Variants in ILKAP observed in about 807,000 individuals in gnomAD.
ILKAP encodes ILK associated serine/threonine phosphatase.
In ILKAP, 11 loss-of-function variants were observed where a neutral mutation model predicts 49.1. That is an observed-to-expected ratio of 0.22 (90% CI 0.14 to 0.37). The LOEUF is 0.37. ILKAP is among the 10% of genes least tolerant of loss of function. The pLI is 1.00. For missense variants in ILKAP, 363 were observed against 510.8 expected (o/e 0.71, Z 2.79); for synonymous variants, 186 against 192.8 (o/e 0.96, Z 0.29).
intron 3 of ILKAP, among the ~76,000 whole-genome samples, chr2:238,190,654 G>A (rs1694081123): frequency 6.6e-6 from 1 of 152,170 alleles, no homozygotes; most frequent in Non-Finnish European, 1.5e-5. Context: ...CAAGTAGGAA[G>A]AGCATTTGTC....
At chr2:238,195,337 G>A (rs538147284) in intron 1 of ILKAP, among the ~76,000 whole-genome samples, 5 of 152,170 alleles carry the variant, frequency 3.3e-5, no homozygotes, top group African/African-American at 9.6e-5. Flanking sequence ...ATCCTATTTC[G>A]GTAACATTCT....
chr2:238,179,294 A>C (rs1393788632), intron 9 of ILKAP, among the ~76,000 whole-genome samples: 1 of 152,172 alleles, frequency 6.6e-6, no homozygotes, highest in African/African-American at 2.4e-5. Flanking sequence ...GAAGCAGAGG[A>C]GTGAAAGGAA....
intron 3 of ILKAP, among the ~76,000 whole-genome samples, chr2:238,190,353 T>C (rs1271827409): frequency 1.3e-5 from 2 of 152,060 alleles, no homozygotes; most frequent in Admixed American, 1.3e-4. Flanking sequence ...CTAATCACGT[T>C]CCAAAAAGTA....
rs1694045869 is a variant in ILKAP at position 238,189,760 on chromosome 2, AAG to A, written c.298+91_298+92del. On this transcript the variant is annotated intron_variant, in intron 4 of 11. Coordinates refer to ENST00000254654, the MANE Select transcript of ILKAP (RefSeq NM_030768.3). ...CTTATTTCTTAAATACAGACATAAA[AAG>A]AAAGTATTATTAGAAAGCTGAAACT... 1.1e-5 allele frequency: 13 copies of A among 1,211,100 alleles called. No homozygotes were observed. In the South Asian group the frequency reaches 1.9e-4, roughly 17 times the overall value. 75.0% of individuals were successfully genotyped at this position (1,211,100 alleles called of 1,614,324 possible). A position where few individuals can be genotyped will look rare whatever the true frequency, so the allele number is the denominator to read the frequency against.
chr2:238,176,202 C>T (rs1693449269), intron 9 of ILKAP, among the ~76,000 whole-genome samples: 2 of 130,576 alleles, frequency 1.5e-5, no homozygotes, highest in African/African-American at 5.9e-5. Flanking sequence ...GGCATGATCT[C>T]GACTCACTGC....
intron 3 of ILKAP, among the ~76,000 whole-genome samples, chr2:238,192,966 T>C (rs1461905881): frequency 1.3e-5 from 2 of 152,018 alleles, no homozygotes; most frequent in African/African-American, 4.8e-5. Context: ...TGAGCCAAGA[T>C]TGTGCCACTG....
chr2:238,177,382 A>G (rs1405516769), intron 9 of ILKAP, among the ~76,000 whole-genome samples: 1 of 152,216 alleles, frequency 6.6e-6, no homozygotes, highest in Admixed American at 6.5e-5. Flanking sequence ...AGCATTAAAT[A>G]TATTCACACT....
At chr2:238,183,614 C>A (rs748717287) in intron 8 of ILKAP, 39 bp downstream of exon 8, 1 of 1,393,254 alleles carries the variant, frequency 7.2e-7, no homozygotes, top group Non-Finnish European at 1.0e-6. Flanking sequence ...CCCCATAAAA[C>A]GTATTGTCAT....
Position 238,170,615 on chromosome 2 carries a change from C to T in ILKAP, c.1100G>A (p.Cys367Tyr). Residue 367 changes from cysteine to tyrosine, a missense_variant, in exon 12 of 12, where the codon TGC becomes TAC. Coordinates refer to ENST00000254654, the MANE Select transcript of ILKAP (RefSeq NM_030768.3). ...SAADARYEAA[C>Y]NRLANKAVQR... Reference sequence around the variant, plus strand: ...CACCGCCTTGTTGGCCAGCCTGTTGCAGGCTGCTTCGTAGCGGGCGTCGGC... The same window carrying T: ...CACCGCCTTGTTGGCCAGCCTGTTGTAGGCTGCTTCGTAGCGGGCGTCGGC... 1 of 1,606,714 alleles carries T rather than the reference C, an allele frequency of 6.2e-7. No individual in the cohort carries two copies. Among genetic ancestry groups the T allele is most frequent in the Non-Finnish European group, 8.5e-7 (1 of 1,174,112 alleles).
At chr2:238,203,405 AGCGCGGGCGCCGCCTCAGCC>A in intron 1 of ILKAP, 74 bp downstream of exon 1, 1 of 507,400 alleles carries the variant, frequency 2.0e-6, no homozygotes, top group Non-Finnish European at 2.7e-6. Flanking sequence ...GCCGCCTCCC[AGCGCGGGCGCCGCCTCAGCC>A]GCCCCGGGCC....
Position 238,182,200 on chromosome 2 carries a change from G to T in ILKAP, c.715-14C>A. The T allele has an allele frequency of 6.2e-7, 1 of 1,612,714 alleles. No homozygotes were observed. The highest frequency in any genetic ancestry group is 2.2e-5 in the East Asian group (1 of 44,814). On this transcript the variant is annotated splice_polypyrimidine_tract_variant and intron_variant, in intron 8 of 11. Transcript: ENST00000254654. ...ACACAAGATTGCCTGGGAAGATGGAGATTGTAATAGTCATGAAATTCAGTG... is the reference window on the plus strand; with the variant it reads ...ACACAAGATTGCCTGGGAAGATGGATATTGTAATAGTCATGAAATTCAGTG...
chr2:238,197,860 T>A (rs920048288), intron 1 of ILKAP, among the ~76,000 whole-genome samples: 3 of 152,198 alleles, frequency 2.0e-5, no homozygotes, highest in African/African-American at 7.2e-5. Context: ...TCCACACATC[T>A]TCTCATTTAA....
In ILKAP at chr2:238,183,926, G is replaced by A; in HGVS notation, c.626+94C>T. 2.0e-5 allele frequency: 20 copies of A among 985,448 alleles called. 1 individual carries two copies. The South Asian group carries it at 2.5e-4, about 12-fold the overall frequency. 61.0% of individuals were successfully genotyped at this position (985,448 alleles called of 1,614,324 possible). A position where few individuals can be genotyped will look rare whatever the true frequency, so the allele number is the denominator to read the frequency against. ...GAGTGCTACGCACTTTTCAGACAGTGAGCAATAGTGTTAAACCACATCAGA... is the reference window on the plus strand; with the variant it reads ...GAGTGCTACGCACTTTTCAGACAGTAAGCAATAGTGTTAAACCACATCAGA... On this transcript the variant is annotated intron_variant, in intron 7 of 11. Transcript: ENST00000254654.
chr2:238,184,030 C>A lies in ILKAP; in HGVS notation c.616G>T (p.Ala206Ser). ...KHTDEEFLKQ[A>S]SSQKPAWKDG... The stretch of plus-strand genomic sequence containing the variant: ...TCAAGTTATACTTACTGGCTGGAAG[C>A]TTGTTTAAGGAACTCTTCATCAGTA... The change falls in exon 7 of 12, where the codon GCT (alanine) becomes TCT (serine). Residue 206 changes from alanine to serine, a missense_variant. Ala to Ser is a moderately conservative substitution (Grantham distance 99). Around this residue, in one of 3 missense-constraint regions of ILKAP, gnomAD observed 166 missense variants for 307.3 expected, o/e 0.54. Transcript: ENST00000254654. 6.2e-7 allele frequency: 1 copy of A among 1,600,736 alleles called. No homozygotes were observed. Among genetic ancestry groups the A allele is most frequent in the Non-Finnish European group, 8.6e-7 (1 of 1,167,804 alleles).
chr2:238,188,090 G>C, intron 5 of ILKAP, 41 bp downstream of exon 5: 1 of 1,609,262 alleles, frequency 6.2e-7, no homozygotes, highest in Non-Finnish European at 8.5e-7. Flanking sequence ...GAACCCAGGA[G>C]ATGTTAATGC....
Position 238,182,043 on chromosome 2 carries a change from C to T in ILKAP, c.836+22G>A, listed in dbSNP as rs749645996. The T allele has an allele frequency of 3.7e-6, 6 of 1,611,702 alleles. No individual in the cohort carries two copies. In the African/African-American group the frequency reaches 5.3e-5, roughly 14 times the overall value. On this transcript the variant is annotated intron_variant, in intron 9 of 11. Transcript: ENST00000254654. ...AGCTAACAGCCCTCCTTCCCATGAG[C>T]TCCTCTCAGTCCCTTGGTTACCTGA...
intron 9 of ILKAP, among the ~76,000 whole-genome samples, chr2:238,181,709 G>A (rs993550213): frequency 6.0e-5 from 9 of 150,390 alleles, no homozygotes; most frequent in Middle Eastern, 3.2e-3. Context: ...TGCAAGCTCC[G>A]CCTCCCAGGT....
rs184467486 is a variant in ILKAP at position 238,197,980 on chromosome 2, A to C, written c.56-3110T>G. On this transcript the variant is annotated intron_variant, in intron 1 of 11. Transcript: ENST00000254654. ...AGTAAGGAGTGGAGTGGGGATTCAA[A>C]GCCATGCAGTCCGTGCTTTTAGTGA... 2.6e-5 allele frequency among the ~76,000 whole-genome samples: 4 copies of C among 152,298 alleles called. No individual in the cohort carries two copies. In the East Asian group the frequency reaches 7.7e-4, roughly 29 times the overall value.
intron 2 of ILKAP, 128 bp downstream of exon 2, chr2:238,194,677 T>TA (rs1694273302): frequency 2.2e-5 from 21 of 963,238 alleles, no homozygotes; most frequent in Non-Finnish European, 3.0e-5. Context: ...ATTCAAAACT[T>TA]AAAGACAGTC....
Sources: gnomAD v4.1 joint callset for allele counts (sites outside exome capture counted in the v4.1 genomes callset) on GRCh38, gnomAD v4.1.1 for gene constraint, gnomAD v4.1.1 regional missense constraint, MANE v1.5 for transcripts, NCBI Gene and HGNC (gene_info 2026-07-23, HGNC 2026-07-21) for gene names.